Variants in MOGAT3 observed in about 807,000 individuals in gnomAD.
MOGAT3 encodes monoacylglycerol O-acyltransferase 3.
MOGAT3 carries 39 observed loss-of-function variants against 34.4 expected under a neutral mutation model. The ratio of observed to expected loss-of-function variants is 1.13; its 90% confidence interval spans 0.88 to 1.48. The LOEUF is 1.48. MOGAT3 is among the 40% of genes most tolerant of loss of function. The pLI, the probability that MOGAT3 is intolerant of heterozygous loss-of-function variation, is 0.00. For synonymous variants in MOGAT3, 209 were observed against 179.2 expected (o/e 1.17, Z -1.33); for missense variants, 439 against 438.9 (o/e 1.00, Z 0.00).
intron 5 of MOGAT3, 69 bp downstream of exon 5, chr7:101,198,122 A>G (rs1333533698): frequency 6.6e-7 from 1 of 1,525,826 alleles, no homozygotes; most frequent in Non-Finnish European, 8.9e-7. Flanking sequence ...AGGGACCTAG[A>G]TGTCTGGGGA....
At position 101,198,809 on chromosome 7, in the gene MOGAT3, G is replaced by A; in HGVS notation, c.310C>T (p.Pro104Ser). 6.2e-7 allele frequency: 1 copy of A among 1,614,032 alleles called. No individual in the cohort carries two copies. Among genetic ancestry groups the A allele is most frequent in the Non-Finnish European group, 8.5e-7 (1 of 1,180,018 alleles). The change falls in exon 4 of 7, where the codon CCC (proline) becomes TCC (serine). Residue 104 changes from proline (P) to serine (S), a missense_variant. Transcript: ENST00000223114. ...CCCAGCACGTAGTTCCGATCCGGGG[G>A]CAGCTCTGCTGTTTTCACCAGCTTC... is the stretch of plus-strand genomic sequence containing the variant. ...PVKLVKTAEL[P>S]PDRNYVLGAH...
chr7:101,196,275 G>A lies in MOGAT3; in HGVS notation c.783C>T (p.Gly261=), dbSNP rs1208158764. ...WCQLTFKKLM[G]FSPCIFWGRG... ...GACCCCAGAAGATGCAAGGAGAGAA[G>A]CCCATGAGCTTCTTGAAGGTGAGCT... The change falls in exon 6 of 7, where the codon GGC becomes GGT. Residue 261 remains glycine (G), a synonymous_variant. Coordinates refer to ENST00000223114, the MANE Select transcript of MOGAT3 (RefSeq NM_178176.4). 1.2e-6 allele frequency: 2 copies of A among 1,612,702 alleles called. No individual in the cohort carries two copies. The highest frequency in any genetic ancestry group is 1.7e-5 in the Admixed American group (1 of 59,716).
rs768853214 is a variant in MOGAT3, at chr7:101,195,915, T to C, written c.*31A>G. On this transcript the variant is annotated 3_prime_UTR_variant, in exon 7 of 7. Transcript: ENST00000223114. ...GGGTGGAGGTCTCAGTGCCTTGGGCTCAGGGGCTCAGCGAAAGGCCGCGGC... is the reference window on the plus strand; with the variant it reads ...GGGTGGAGGTCTCAGTGCCTTGGGCCCAGGGGCTCAGCGAAAGGCCGCGGC... The C allele has an allele frequency of 1.9e-6, 3 of 1,613,254 alleles. No homozygotes were observed. Among genetic ancestry groups the C allele is most frequent in the Non-Finnish European group, 1.7e-6 (2 of 1,179,686 alleles).
rs2116758442 is a variant in MOGAT3, at chr7:101,195,074, G to A, written c.*872C>T. 2 of 152,370 alleles carry A rather than the reference G, an allele frequency of 1.3e-5. 1 individual carries two copies. The highest frequency in any genetic ancestry group is 1.3e-4 in the Admixed American group (2 of 15,286). 9.4% of individuals were successfully genotyped at this position (152,370 alleles called of 1,614,324 possible). A position where few individuals can be genotyped will look rare whatever the true frequency, so the allele number is the denominator to read the frequency against. On this transcript the variant is annotated 3_prime_UTR_variant, in exon 7 of 7. Transcript: ENST00000223114. ...AGGCAAAAGGAAGAGGCTTGTCCAAGGTCATGCCACAGACTGAACTCTCAC... is the reference window on the plus strand; with the variant it reads ...AGGCAAAAGGAAGAGGCTTGTCCAAAGTCATGCCACAGACTGAACTCTCAC...
chr7:101,196,133 T>A, intron 6 of MOGAT3, 33 bp from the exon 7 acceptor site: 2 of 1,585,260 alleles, frequency 1.3e-6, no homozygotes, highest in Non-Finnish European at 1.7e-6. Context: ...GGGCGAGGGA[T>A]CCCTGATGCC....
intron 5 of MOGAT3, 55 bp from the exon 6 acceptor site, chr7:101,196,444 G>A (rs1797790339): frequency 7.3e-7 from 1 of 1,376,260 alleles, no homozygotes; most frequent in African/African-American, 1.4e-5. Context: ...GCTCCGAGAT[G>A]GGCACCCCCA....
rs531448349 is a variant in MOGAT3 at position 101,199,671 on chromosome 7, G to A, written c.288+563C>T. ...ACTCTGTTGCTCAGGCTGGAGTACAGTGGCGCAATCATGGCTCACTACAGC... is the reference window on the plus strand; with the variant it reads ...ACTCTGTTGCTCAGGCTGGAGTACAATGGCGCAATCATGGCTCACTACAGC... On this transcript the variant is annotated intron_variant, in intron 3 of 6. Coordinates refer to ENST00000223114, the MANE Select transcript of MOGAT3 (RefSeq NM_178176.4). Among the ~76,000 whole-genome samples, 3 of 145,322 alleles carry A rather than the reference G, an allele frequency of 2.1e-5. No homozygotes were observed. The South Asian group carries it at 6.5e-4, about 31-fold the overall frequency.
At chr7:101,198,141 G>C in intron 5 of MOGAT3, 50 bp downstream of exon 5, 4 of 1,558,978 alleles carry the variant, frequency 2.6e-6, no homozygotes, top group Non-Finnish European at 3.5e-6. Context: ...GACTGAGAGA[G>C]GGCATAAACC....
chr7:101,198,309 C>T lies in MOGAT3; in HGVS notation c.550G>A (p.Gly184Arg), dbSNP rs141385847. The change falls in exon 5 of 7, where the codon GGG (glycine) becomes AGG (arginine). Residue 184 changes from glycine to arginine, a missense_variant. By Grantham distance (125) the Gly-to-Arg change is moderately radical. Transcript: ENST00000223114. ...CCCACCATGATGACCACGGCCTGCC[C>T]GAGCTGGGGCTGGGACAGGATGAAG... ...LDFILSQPQL[G>R]QAVVIMVGGA... 3.1e-6 allele frequency: 5 copies of T among 1,597,900 alleles called. No homozygotes were observed. In the East Asian group the frequency reaches 6.7e-5, roughly 21 times the overall value.
intron 1 of MOGAT3, 32 bp downstream of exon 1, chr7:101,200,714 A>T: frequency 1.3e-6 from 2 of 1,581,306 alleles, no homozygotes; most frequent in Non-Finnish European, 1.7e-6. Flanking sequence ...CCCCTGGCAG[A>T]CCCCAGGCAC....
intron 6 of MOGAT3, 24 bp from the exon 7 acceptor site, chr7:101,196,124 G>A (rs923347911): frequency 6.3e-6 from 10 of 1,591,022 alleles, no homozygotes; most frequent in East Asian, 2.3e-5. Context: ...GAGACAGGTG[G>A]GCGAGGGATC....
intron 1 of MOGAT3, 51 bp from the exon 2 acceptor site, chr7:101,200,566 C>T (rs1209477696): frequency 6.9e-7 from 1 of 1,451,476 alleles, no homozygotes; most frequent in Admixed American, 2.0e-5. Flanking sequence ...CTCCATCATT[C>T]CCTCCAGCTG....
At position 101,195,451 on chromosome 7, in the gene MOGAT3, T is replaced by G. The variant is rs13240839; in HGVS notation, c.*495A>C. On this transcript the variant is annotated 3_prime_UTR_variant, in exon 7 of 7. Coordinates refer to ENST00000223114, the MANE Select transcript of MOGAT3 (RefSeq NM_178176.4). ...GCTGGTCTTGAACTCCTGACCTCAGTTGATCCACCTGCCTCGGCTTCCCAA... is the reference window on the plus strand; with the variant it reads ...GCTGGTCTTGAACTCCTGACCTCAGGTGATCCACCTGCCTCGGCTTCCCAA... The G allele has an allele frequency of 0.4, 60,911 of 154,182 alleles. 15,704 individuals are homozygous for G. The highest frequency in any genetic ancestry group is 0.74 in the African/African-American group (30,145 of 40,872). The allele number at this position is 154,182 out of a possible 1,614,324, so 9.6% of individuals were successfully genotyped here.
At chr7:101,198,105 CCCA>C in intron 5 of MOGAT3, 83 bp downstream of exon 5, 14 of 1,467,732 alleles carry the variant, frequency 9.5e-6, no homozygotes, top group Non-Finnish European at 1.3e-5. Context: ...ACCCGGATCC[CCCA>C]TGCAGGGACC....
Position 101,200,229 on chromosome 7 carries a change from A to G in MOGAT3, c.288+5T>C. 6.2e-7 allele frequency: 1 copy of G among 1,613,148 alleles called. No homozygotes were observed. Among genetic ancestry groups the G allele is most frequent in the South Asian group, 1.1e-5 (1 of 91,064 alleles). On this transcript the variant is annotated splice_donor_5th_base_variant and intron_variant, in intron 3 of 6. Transcript: ENST00000223114. Reference sequence around the variant, plus strand: ...AAGCAGTTTTTCTGCAGGGTGACCCATCACCTTGACAGGATAATAATCCCT... The same window carrying G: ...AAGCAGTTTTTCTGCAGGGTGACCCGTCACCTTGACAGGATAATAATCCCT...
chr7:101,199,000 G>GTTT (rs56137538), intron 3 of MOGAT3, among the ~76,000 whole-genome samples, 170 bp from the exon 4 acceptor site: 3 of 100,190 alleles, frequency 3.0e-5, no homozygotes, highest in African/African-American at 8.3e-5. Context: ...AAGGGCCCAG[G>GTTT]TTTTTTTTTT....
In MOGAT3 at chr7:101,200,535, G is replaced by C. The variant is rs756911314; in HGVS notation, c.110-20C>G. The C allele has an allele frequency of 6.5e-6, 10 of 1,541,034 alleles. No homozygotes were observed. The highest frequency in any genetic ancestry group is 8.8e-6 in the Non-Finnish European group (10 of 1,132,814). On this transcript the variant is annotated intron_variant, in intron 1 of 6. Transcript: ENST00000223114. ...AAGGGCCTGGGGGAAGGGAGAGAAA[G>C]AAAAGAGTTCACTTCTGAAACTCCA...
Position 101,195,649 on chromosome 7 carries a change from CTCCTGCCT to C in MOGAT3, c.*289_*296del. On this transcript the variant is annotated 3_prime_UTR_variant, in exon 7 of 7. Coordinates refer to ENST00000223114, the MANE Select transcript of MOGAT3 (RefSeq NM_178176.4). ...CTCCGCCTCCTGGGTTTAAGCAAGT[CTCCTGCCT>C]CAGCCTCCCAAATAGCTGGGATTAC... 1 of 375,946 alleles carries C rather than the reference CTCCTGCCT, an allele frequency of 2.7e-6. No homozygotes were observed. The highest frequency in any genetic ancestry group is 2.6e-5 in the South Asian group (1 of 38,168). 23.3% of individuals were successfully genotyped at this position (375,946 alleles called of 1,614,324 possible).
chr7:101,196,722 A>G (rs1797801044), intron 5 of MOGAT3, among the ~76,000 whole-genome samples: 1 of 152,150 alleles, frequency 6.6e-6, no homozygotes, highest in African/African-American at 2.4e-5. Context: ...CATAAAAATT[A>G]GCCAGGTGTG....
Sources: allele counts gnomAD v4.1 joint callset (sites outside exome capture counted in the v4.1 genomes callset), GRCh38; gene constraint gnomAD v4.1.1; transcripts MANE v1.5; gene names NCBI Gene and HGNC (gene_info 2026-07-23, HGNC 2026-07-21).